Variants in GAB4 observed in about 807,000 individuals in gnomAD.
GAB4 encodes the protein GRB2-associated-binding protein 4.
Under a neutral mutation model 51.3 loss-of-function variants are expected in GAB4, and 26 were observed. That is an observed-to-expected ratio of 0.51 (90% confidence interval 0.37 to 0.70). The LOEUF (loss-of-function observed/expected upper bound fraction) is 0.70, where lower values mean the gene tolerates loss of function less well. GAB4 is among the 30% of genes least tolerant of loss of function. The probability of loss-of-function intolerance (pLI) is 0.00; values close to 1 mark genes in which losing one functional copy is unlikely to be tolerated. For missense variants in GAB4, 759 were observed against 734.6 expected, an observed-to-expected ratio of 1.03 and a Z score of -0.38; for synonymous variants, 329 against 291.2, an observed-to-expected ratio of 1.13 and a Z score of -1.32.
chr22:16,995,388 T>A (rs2060942829), intron 1 of GAB4, among the ~76,000 whole-genome samples: 1 of 152,238 alleles, frequency 6.6e-6, no homozygotes, highest in Non-Finnish European at 1.5e-5. Context: ...TGTATCAATA[T>A]CATTACACTT....
At chr22:16,965,641 C>A (rs1188413486) in intron 6 of GAB4, among the ~76,000 whole-genome samples, 2 of 152,334 alleles carry the variant, frequency 1.3e-5, no homozygotes, top group Non-Finnish European at 1.5e-5. Context: ...TTGGACAGGG[C>A]TGTGTAGCCC....
chr22:16,996,201 G>T (rs768183330), intron 1 of GAB4, among the ~76,000 whole-genome samples: 23 of 151,354 alleles, frequency 1.5e-4, no homozygotes, highest in African/African-American at 5.6e-4. Context: ...GCAGAAGACA[G>T]GATATCAGAG....
In GAB4 at chr22:16,988,016, T is replaced by G. The variant is rs1601277107; in HGVS notation, c.630A>C (p.Ala210=). The G allele has an allele frequency of 6.2e-7, 1 of 1,609,214 alleles. No homozygotes were observed. The highest frequency in any genetic ancestry group is 8.5e-7 in the Non-Finnish European group (1 of 1,178,510). Reference sequence around the variant, plus strand: ...GGTGCGAGCGGAGACACCCCGGAGGTGCAGGGATGGGCCAGGTGGGCGGCA... The same window carrying G: ...GGTGCGAGCGGAGACACCCCGGAGGGGCAGGGATGGGCCAGGTGGGCGGCA... The part of the protein sequence containing the change: ...HCVPPTWPIP[A]PPGCLRSHQH... The change falls in exon 3 of 10, where the codon GCA becomes GCC. Residue 210 remains alanine (A), a synonymous_variant. Coordinates refer to ENST00000400588, the MANE Select transcript of GAB4 (RefSeq NM_001037814.1).
rs779117029 is a variant in GAB4 at position 16,970,121 on chromosome 22, G to T, written c.759C>A (p.Ala253=). 1.2e-6 allele frequency: 2 copies of T among 1,614,124 alleles called. No homozygotes were observed. The highest frequency in any genetic ancestry group is 2.2e-5 in the East Asian group (1 of 44,872). The change falls in exon 4 of 10, where the codon GCC becomes GCA. Residue 253 remains alanine (A), a synonymous_variant. Coordinates refer to ENST00000400588, the MANE Select transcript of GAB4 (RefSeq NM_001037814.1). The part of the protein sequence containing the change: ...MRRNTAMQNL[A]QHSGYSVDGV... ...CATCAACACTGTATCCACTGTGCTG[G>T]GCAAGATTTTGCATGGCTGTGTTTC...
chr22:16,963,795 G>A lies in GAB4; in HGVS notation c.1511C>T (p.Thr504Ile), dbSNP rs755776940. ...PASAFPVSGG[T>I]SSSAPPRSTG... is the part of the protein sequence containing the mutation. The stretch of plus-strand genomic sequence containing the variant: ...GCTCCTCGGCGGGGCTGAACTGCTG[G>A]TGCCACCGGAAACAGGAAATGCAGA... Residue 504 changes from threonine (T) to isoleucine (I), a missense_variant, in exon 9 of 10, where the codon ACC becomes ATC. By Grantham distance (89) the Thr-to-Ile change is moderately conservative (BLOSUM62 -1). Around this residue, in one of 3 missense-constraint regions of GAB4, gnomAD observed 588 missense variants for 510.2 expected, o/e 1.15. Coordinates refer to ENST00000400588, the MANE Select transcript of GAB4 (RefSeq NM_001037814.1). 8 of 1,613,934 alleles carry A rather than the reference G, an allele frequency of 5.0e-6. No individual in the cohort carries two copies. The East Asian group carries it at 8.9e-5, about 18-fold the overall frequency.
chr22:16,965,226 T>C lies in GAB4; in HGVS notation c.1331A>G (p.Asn444Ser), dbSNP rs777778311. 50 of 1,614,070 alleles carry C rather than the reference T, an allele frequency of 3.1e-5. No homozygotes were observed. The African/African-American group carries it at 4.5e-4, about 15-fold the overall frequency. Residue 444 changes from asparagine (N) to serine (S), a missense_variant, in exon 7 of 10, where the codon AAT becomes AGT. By Grantham distance (46) the Asn-to-Ser change is conservative. Around this residue, in one of 3 missense-constraint regions of GAB4, gnomAD observed 588 missense variants for 510.2 expected, o/e 1.15. Transcript: ENST00000400588. ...GACAGGTGGCTTGAAGGAGAGCTCA[T>C]TGATGACCCTGTTGTTTCTCAGGTT... ...PPNLRNNRVI[N>S]ELSFKPPVTE...
At chr22:16,976,075 A>G (rs2060775375) in intron 3 of GAB4, among the ~76,000 whole-genome samples, 1 of 152,208 alleles carries the variant, frequency 6.6e-6, no homozygotes, top group Admixed American at 6.5e-5. Flanking sequence ...GATGAGGAAA[A>G]AACAGTGCAA....
chr22:16,976,175 G>A (rs1401097711), intron 3 of GAB4, among the ~76,000 whole-genome samples: 1 of 152,238 alleles, frequency 6.6e-6, no homozygotes, highest in Non-Finnish European at 1.5e-5. Flanking sequence ...GAATGAGTTT[G>A]ACCAACTGAC....
intron 8 of GAB4, among the ~76,000 whole-genome samples, chr22:16,964,461 C>T (rs180764003): frequency 1.3e-4 from 20 of 152,326 alleles, no homozygotes; most frequent in African/African-American, 4.1e-4. Context: ...CTCCCCATGG[C>T]GAAGCAGACA....
At chr22:16,986,574 C>G (rs2060869705) in intron 3 of GAB4, among the ~76,000 whole-genome samples, 1 of 152,106 alleles carries the variant, frequency 6.6e-6, no homozygotes, top group African/African-American at 2.4e-5. Flanking sequence ...AATAAGTGGC[C>G]TAAGATTCCC....
At chr22:16,975,686 A>G (rs1332373065) in intron 3 of GAB4, among the ~76,000 whole-genome samples, 1 of 152,238 alleles carries the variant, frequency 6.6e-6, no homozygotes, top group Admixed American at 6.5e-5. Context: ...CTCCTCAAGC[A>G]GGTCCCTGAC....
In GAB4 at chr22:17,008,151, G is replaced by A. The variant is rs758853561; in HGVS notation, c.-37C>T. On this transcript the variant is annotated 5_prime_UTR_variant, in exon 1 of 10. Transcript: ENST00000400588. Reference sequence around the variant, plus strand: ...CTCACAGTGAAGGTGGGGGAGACAGGGCGAGAGGGCGTTGCTGGAGGTGGG... The same window carrying A: ...CTCACAGTGAAGGTGGGGGAGACAGAGCGAGAGGGCGTTGCTGGAGGTGGG... 14 of 1,475,606 alleles carry A rather than the reference G, an allele frequency of 9.5e-6. No homozygotes were observed. 91.4% of individuals were successfully genotyped at this position (1,475,606 alleles called of 1,614,324 possible). A position where few individuals can be genotyped will look rare whatever the true frequency, so the allele number is the denominator to read the frequency against.
chr22:16,965,221 G>A lies in GAB4; in HGVS notation c.1336C>T (p.Leu446Phe). ...NLRNNRVINE[L>F]SFKPPVTEPW... Reference sequence around the variant, plus strand: ...TCTGTGACAGGTGGCTTGAAGGAGAGCTCATTGATGACCCTGTTGTTTCTC... The same window carrying A: ...TCTGTGACAGGTGGCTTGAAGGAGAACTCATTGATGACCCTGTTGTTTCTC... Residue 446 changes from leucine (L) to phenylalanine (F), a missense_variant, in exon 7 of 10, where the codon CTC becomes TTC. Leu to Phe is a conservative substitution (Grantham distance 22). Coordinates refer to ENST00000400588, the MANE Select transcript of GAB4 (RefSeq NM_001037814.1). The A allele has an allele frequency of 1.2e-6, 2 of 1,614,082 alleles. No homozygotes were observed. The highest frequency in any genetic ancestry group is 1.1e-5 in the South Asian group (1 of 91,056).
chr22:16,987,822 A>T (rs1019423938), intron 3 of GAB4, 138 bp downstream of exon 3: 2 of 634,654 alleles, frequency 3.2e-6, no homozygotes, highest in Non-Finnish European at 5.3e-6. Flanking sequence ...AAAAAATTAA[A>T]TGTTGTTATA....
intron 1 of GAB4, among the ~76,000 whole-genome samples, chr22:17,003,841 G>T (rs2061017528): frequency 6.6e-6 from 1 of 152,204 alleles, no homozygotes; most frequent in Middle Eastern, 3.4e-3. Flanking sequence ...AGCTAAAGGA[G>T]ATAGAGACAC....
intron 1 of GAB4, among the ~76,000 whole-genome samples, chr22:16,998,999 C>T (rs765445931): frequency 3.3e-5 from 5 of 152,142 alleles, no homozygotes; most frequent in Admixed American, 6.6e-5. Context: ...CCAACTTGAT[C>T]GTGGTGAATA....
chr22:16,970,291 G>A, intron 3 of GAB4, 98 bp from the exon 4 acceptor site: 1 of 1,349,268 alleles, frequency 7.4e-7, no homozygotes, highest in Non-Finnish European at 1.0e-6. Context: ...GTAGTGAGAT[G>A]ATATGGAGAA....
At position 16,981,261 on chromosome 22, in the gene GAB4, A is replaced by G. The variant is rs2060825414; in HGVS notation, c.686+6699T>C. ...AAAGTAAGAAAAAACCAAACCCCAA[A>G]TTAGAAGGAAATAAATATTACAGTT... On this transcript the variant is annotated intron_variant, in intron 3 of 9. Transcript: ENST00000400588. Among the ~76,000 whole-genome samples, 3 of 151,502 alleles carry G rather than the reference A, an allele frequency of 2.0e-5. No homozygotes were observed. The South Asian group carries it at 6.2e-4, about 31-fold the overall frequency.
chr22:16,970,807 G>A (rs184944939), intron 3 of GAB4, among the ~76,000 whole-genome samples: 9 of 152,302 alleles, frequency 5.9e-5, no homozygotes, highest in Admixed American at 1.3e-4. Context: ...TTTTACGGTG[G>A]TTAGAGAGGC....
Sources: allele counts gnomAD v4.1 joint callset (sites outside exome capture counted in the v4.1 genomes callset), GRCh38; gene constraint gnomAD v4.1.1; regional missense constraint gnomAD v4.1.1; transcripts MANE v1.5; gene names NCBI Gene and HGNC (gene_info 2026-07-23, HGNC 2026-07-21).